Variants in FANCE observed in about 807,000 individuals in gnomAD.
FANCE encodes the protein Fanconi anemia group E protein.
FANCE carries 42 observed loss-of-function variants against 57.8 expected under a neutral mutation model. The observed-to-expected ratio is 0.73, with a 90% CI of 0.57 to 0.94. The LOEUF is 0.94. FANCE is among the 40% of genes least tolerant of loss of function. The pLI, the probability that FANCE is intolerant of heterozygous loss-of-function variation, is 0.00. For missense variants in FANCE, 608 were observed against 661.8 expected, an observed-to-expected ratio of 0.92 and a Z score of 0.89; for synonymous variants, 251 against 286.4, an observed-to-expected ratio of 0.88 and a Z score of 1.25.
intron 9 of FANCE, among the ~76,000 whole-genome samples, chr6:35,465,726 C>T (rs1050435455): frequency 6.6e-6 from 1 of 152,166 alleles, no homozygotes; most frequent in African/African-American, 2.4e-5. Context: ...GGAGTAACTT[C>T]ATCAGATCTG....
intron 9 of FANCE, among the ~76,000 whole-genome samples, chr6:35,465,155 G>A (rs1361150412): frequency 1.3e-5 from 2 of 151,918 alleles, no homozygotes; most frequent in African/African-American, 4.8e-5. Context: ...GTCATGGTGA[G>A]GAGCTGTATA....
rs569687303 is a variant in FANCE at position 35,464,307 on chromosome 6, G to A, written c.1509+1393G>A. Among the ~76,000 whole-genome samples, 31 of 144,458 alleles carry A rather than the reference G, an allele frequency of 2.1e-4. 3 individuals are homozygous for A. Among genetic ancestry groups the A allele is most frequent in the African/African-American group, 5.5e-4 (21 of 37,842 alleles). The allele number at this position is 144,458 out of a possible 152,430, so 94.8% of individuals were successfully genotyped here. A position where few individuals can be genotyped will look rare whatever the true frequency, so the allele number is the denominator to read the frequency against. ...AGGCTAGAGTGCAGTGGCGCATCTC[G>A]GCTCACTGCAAGCTCCGCCTCCCGG... On this transcript the variant is annotated intron_variant, in intron 9 of 9. Coordinates refer to ENST00000229769, the MANE Select transcript of FANCE (RefSeq NM_021922.3).
chr6:35,460,454 C>T (rs1767541961), intron 7 of FANCE, 98 bp from the exon 8 acceptor site: 1 of 1,238,730 alleles, frequency 8.1e-7, no homozygotes. Context: ...CTTGGCTGTC[C>T]CCAGGGCCTT....
At chr6:35,459,021 T>A (rs994363674) in intron 5 of FANCE, among the ~76,000 whole-genome samples, 1 of 152,120 alleles carries the variant, frequency 6.6e-6, no homozygotes, top group Non-Finnish European at 1.5e-5. Flanking sequence ...CCTCAAGTGA[T>A]CCAGCTGTGT....
rs749409291 is a variant in FANCE at position 35,458,297 on chromosome 6, A to G, written c.970A>G (p.Met324Val). 8.7e-6 allele frequency: 14 copies of G among 1,613,748 alleles called. No homozygotes were observed. The highest frequency in any genetic ancestry group is 3.3e-5 in the South Asian group (3 of 91,082). The stretch of plus-strand genomic sequence containing the variant: ...CTCTCCCCCCGCACTCTGTAAGCAG[A>G]TGGACTTGCTGTGTGCCCAGCTGCA... ...QLLHECSPSQ[M>V]DLLCAQLQLP... Residue 324 changes from methionine to valine, a missense_variant and splice_region_variant, in exon 5 of 10, where the codon ATG becomes GTG. Met to Val is a conservative substitution (Grantham distance 21). Coordinates refer to ENST00000229769, the MANE Select transcript of FANCE (RefSeq NM_021922.3).
chr6:35,456,322 C>G lies in FANCE; in HGVS notation c.824C>G (p.Ala275Gly). 6.2e-7 allele frequency: 1 copy of G among 1,614,140 alleles called. No individual in the cohort carries two copies. The highest frequency in any genetic ancestry group is 8.5e-7 in the Non-Finnish European group (1 of 1,180,026). Reference protein sequence around the residue: ...GSNLDDAKGLAESLELPKAIQ... With the variant: ...GSNLDDAKGLGESLELPKAIQ... ...AATCTGGATGATGCTAAAGGTCTGGCTGAGAGTTTGGAGTTGCCCAAAGCT... is the reference window on the plus strand; with the variant it reads ...AATCTGGATGATGCTAAAGGTCTGGGTGAGAGTTTGGAGTTGCCCAAAGCT... Residue 275 changes from alanine (A) to glycine (G), a missense_variant, in exon 2 of 10, where the codon GCT (alanine) becomes GGT (glycine). Coordinates refer to ENST00000229769, the MANE Select transcript of FANCE (RefSeq NM_021922.3). The surrounding 1 kb of genome is among the most constrained non-coding windows in gnomAD (Gnocchi z 4.3).
At chr6:35,461,556 T>A (rs1767588766) in intron 8 of FANCE, among the ~76,000 whole-genome samples, 1 of 152,176 alleles carries the variant, frequency 6.6e-6, no homozygotes, top group East Asian at 1.9e-4. Flanking sequence ...GTAGGTTGCT[T>A]TTTTTACTTC....
rs45478194 is a variant in FANCE at position 35,457,497 on chromosome 6, G to A, written c.856-59G>A. 2,872 of 1,594,294 alleles carry A rather than the reference G, an allele frequency of 1.8e-3. 59 individuals are homozygous for A. In the Admixed American group the frequency reaches 0.035, roughly 19 times the overall value. The stretch of plus-strand genomic sequence containing the variant: ...CTTTTCAGTAGGGGGAGCCAGAACC[G>A]GGCTTGGGGTCATGCTGCAGGGGGA... On this transcript the variant is annotated intron_variant, in intron 2 of 9. Coordinates refer to ENST00000229769, the MANE Select transcript of FANCE (RefSeq NM_021922.3).
Position 35,452,641 on chromosome 6 carries a change from G to T in FANCE, c.96G>T (p.Ala32=). 1 of 1,256,614 alleles carries T rather than the reference G, an allele frequency of 8.0e-7. No individual in the cohort carries two copies. The highest frequency in any genetic ancestry group is 1.0e-6 in the Non-Finnish European group (1 of 1,004,504). 77.8% of individuals were successfully genotyped at this position (1,256,614 alleles called of 1,614,324 possible). ...LEAPARLLLQ[A]LQAGPEGARR... ...CCCCCGCCCGCCTCCTGCTGCAGGCGCTGCAGGCGGGGCCTGAGGGGGCGC... is the reference window on the plus strand; with the variant it reads ...CCCCCGCCCGCCTCCTGCTGCAGGCTCTGCAGGCGGGGCCTGAGGGGGCGC... Residue 32 remains alanine, a synonymous_variant, in exon 1 of 10, where the codon GCG becomes GCT. Coordinates refer to ENST00000229769, the MANE Select transcript of FANCE (RefSeq NM_021922.3).
At chr6:35,455,525 G>C (rs1239572940) in intron 1 of FANCE, among the ~76,000 whole-genome samples, 1 of 152,104 alleles carries the variant, frequency 6.6e-6, no homozygotes, top group East Asian at 1.9e-4. Context: ...TGGCCATGCA[G>C]GTCTTGAACT....
chr6:35,462,269 G>A (rs1043965421), intron 8 of FANCE, among the ~76,000 whole-genome samples: 2 of 151,864 alleles, frequency 1.3e-5, no homozygotes, highest in Non-Finnish European at 2.9e-5. Context: ...CACCACGCCC[G>A]GCTAATTTTT....
chr6:35,460,914 G>A (rs1314524939), intron 8 of FANCE, among the ~76,000 whole-genome samples: 1 of 149,162 alleles, frequency 6.7e-6, no homozygotes, highest in East Asian at 2.0e-4. Flanking sequence ...AGATTCATAT[G>A]TTCACAAATT....
At position 35,452,560 on chromosome 6, in the gene FANCE, C is replaced by T. The variant is rs1298974698; in HGVS notation, c.15C>T (p.Asp5=). 1.8e-5 allele frequency: 24 copies of T among 1,328,812 alleles called. No homozygotes were observed. Among genetic ancestry groups the T allele is most frequent in the Middle Eastern group, 5.3e-4 (2 of 3,748 alleles). 82.3% of individuals were successfully genotyped at this position (1,328,812 alleles called of 1,614,324 possible). MATP[D]AGLPGAEGVE... ...CGTGCCCCGGCATGGCGACACCGGA[C>T]GCGGGGCTCCCTGGGGCTGAGGGCG... is the stretch of plus-strand genomic sequence containing the variant. Residue 5 remains aspartate (D), a synonymous_variant, in exon 1 of 10, where the codon GAC becomes GAT. Coordinates refer to ENST00000229769, the MANE Select transcript of FANCE (RefSeq NM_021922.3).
chr6:35,465,173 G>C (rs1052821283), intron 9 of FANCE, among the ~76,000 whole-genome samples: 1 of 151,498 alleles, frequency 6.6e-6, no homozygotes, highest in Non-Finnish European at 1.5e-5. Context: ...ATATATGTAT[G>C]TATGTATGTA....
rs373159305 is a variant in FANCE, at chr6:35,455,811, G to A, written c.313G>A (p.Val105Ile). The A allele has an allele frequency of 1.4e-5, 23 of 1,614,030 alleles. No individual in the cohort carries two copies. Among genetic ancestry groups the A allele is most frequent in the East Asian group, 6.7e-5 (3 of 44,896 alleles). ...GAACCTGATGTCCCTGCTGATGGCC[G>A]TTCGGCCATCGCTGCCGGAAAGTGG... ...QRNLMSLLMAVRPSLPESGLL... is the reference protein window; with the variant it reads ...QRNLMSLLMAIRPSLPESGLL... Residue 105 changes from valine (V) to isoleucine (I), a missense_variant, in exon 2 of 10, where the codon GTT becomes ATT. Coordinates refer to ENST00000229769, the MANE Select transcript of FANCE (RefSeq NM_021922.3).
At chr6:35,453,067 A>T (rs1767175190) in intron 1 of FANCE, among the ~76,000 whole-genome samples, 1 of 152,254 alleles carries the variant, frequency 6.6e-6, no homozygotes, top group Non-Finnish European at 1.5e-5. Flanking sequence ...CTGGACTCGT[A>T]CGTCCAGTGT....
Position 35,457,967 on chromosome 6 carries a change from G to A in FANCE, c.952G>A (p.Glu318Lys), listed in dbSNP as rs754914337. The A allele has an allele frequency of 1.3e-5, 21 of 1,614,042 alleles. No individual in the cohort carries two copies. Among genetic ancestry groups the A allele is most frequent in the Middle Eastern group, 1.6e-4 (1 of 6,084 alleles). Residue 318 changes from glutamate (E) to lysine (K), a missense_variant, in exon 4 of 10, where the codon GAA (glutamate) becomes AAA (lysine). Physicochemically the swap from Glu to Lys is moderately conservative, Grantham distance 56 (BLOSUM62 1). Coordinates refer to ENST00000229769, the MANE Select transcript of FANCE (RefSeq NM_021922.3). ...APPVELQLLHECSPSQMDLLC... is the reference protein window; with the variant it reads ...APPVELQLLHKCSPSQMDLLC... ...CCCAGTTGAGCTACAGCTTCTTCAC[G>A]AATGTAGTCCCAGCCAGGTGAGTCC...
In FANCE at chr6:35,466,891, T is replaced by G. The variant is rs1046465120; in HGVS notation, c.*546T>G. 4.2e-6 allele frequency: 1 copy of G among 235,774 alleles called. No individual in the cohort carries two copies. Among genetic ancestry groups the G allele is most frequent in the Non-Finnish European group, 8.4e-6 (1 of 119,482 alleles). 14.6% of individuals were successfully genotyped at this position (235,774 alleles called of 1,614,324 possible). A position where few individuals can be genotyped will look rare whatever the true frequency, so the allele number is the denominator to read the frequency against. ...CAAAGGCTGCTGGCCCCAGGCACAC[T>G]CCTCATCAATTCTCAGGCTGCAGGG... On this transcript the variant is annotated 3_prime_UTR_variant, in exon 10 of 10. Transcript: ENST00000229769.
At chr6:35,458,234 A>C (rs1273452895) in intron 4 of FANCE, 63 bp from the exon 5 acceptor site, 1 of 1,600,310 alleles carries the variant, frequency 6.2e-7, no homozygotes, top group African/African-American at 1.3e-5. Flanking sequence ...GTTGCTTGAG[A>C]CAGCCTAGCA....
Sources: gnomAD v4.1 joint callset for allele counts (sites outside exome capture counted in the v4.1 genomes callset) on GRCh38, gnomAD v4.1.1 for gene constraint, Gnocchi (gnomAD v3.1) non-coding constraint, MANE v1.5 for transcripts, NCBI Gene and HGNC (gene_info 2026-07-23, HGNC 2026-07-21) for gene names.